Variants in RAB10 observed in about 807,000 individuals in gnomAD.
The protein encoded by RAB10 is RAB10, member RAS oncogene family.
A neutral mutation model predicts 25.7 loss-of-function variants in RAB10; 5 were observed. That is an observed-to-expected ratio of 0.19 (90% CI 0.10 to 0.41). The LOEUF is 0.41. Ranked by LOEUF, RAB10 falls within the 10% of genes least tolerant of loss-of-function variation. The pLI is 1.00. For missense variants in RAB10, 103 were observed against 245.8 expected (o/e 0.42, Z 3.89); for synonymous variants, 89 against 86.4 (o/e 1.03, Z -0.16).
intron 2 of RAB10, among the ~76,000 whole-genome samples, chr2:26,107,200 C>G (rs1049762893): frequency 1.4e-5 from 2 of 141,630 alleles, no homozygotes; most frequent in Admixed American, 7.2e-5. Context: ...GAGCCAAGAT[C>G]GTGCCACTAC....
At chr2:26,053,228 T>C (rs1666172541) in intron 1 of RAB10, among the ~76,000 whole-genome samples, 1 of 152,228 alleles carries the variant, frequency 6.6e-6, no homozygotes, top group South Asian at 2.1e-4. Context: ...ATTGTTTTTG[T>C]AAATATCCAG....
At chr2:26,088,777 A>G (rs962627988) in intron 1 of RAB10, among the ~76,000 whole-genome samples, 1 of 151,978 alleles carries the variant, frequency 6.6e-6, no homozygotes. Context: ...GGCGCCCGCC[A>G]CCATACCCAG....
chr2:26,085,677 G>A (rs1666961768), intron 1 of RAB10, among the ~76,000 whole-genome samples: 1 of 151,812 alleles, frequency 6.6e-6, no homozygotes, highest in African/African-American at 2.4e-5. Flanking sequence ...TGCAAGTCAT[G>A]TATCTGATCA....
At chr2:26,080,470 C>G (rs1192551510) in intron 1 of RAB10, among the ~76,000 whole-genome samples, 4 of 152,014 alleles carry the variant, frequency 2.6e-5, no homozygotes, top group Non-Finnish European at 5.9e-5. Flanking sequence ...GTGATACATT[C>G]CTGACTTCTC....
chr2:26,088,762 T>A (rs1015066874), intron 1 of RAB10, among the ~76,000 whole-genome samples: 1 of 151,980 alleles, frequency 6.6e-6, no homozygotes, highest in African/African-American at 2.4e-5. Flanking sequence ...GTGGCTGGGA[T>A]TACAGGCGCC....
intron 3 of RAB10, among the ~76,000 whole-genome samples, chr2:26,122,898 G>A (rs749743151): frequency 1.1e-4 from 16 of 152,060 alleles, no homozygotes; most frequent in Non-Finnish European, 1.0e-4. Flanking sequence ...TCTCGGGGTG[G>A]CAGGGAGGGG....
intron 1 of RAB10, among the ~76,000 whole-genome samples, chr2:26,089,437 A>G (rs998923064): frequency 4.0e-5 from 6 of 151,226 alleles, no homozygotes; most frequent in East Asian, 3.9e-4. Context: ...AAAAAAAAAA[A>G]AGAGAGAGTG....
chr2:26,108,318 A>G (rs1410001053), intron 2 of RAB10, among the ~76,000 whole-genome samples: 2 of 152,236 alleles, frequency 1.3e-5, no homozygotes, highest in African/African-American at 2.4e-5. Flanking sequence ...CTACCCAGCA[A>G]TGAAATGGGA....
chr2:26,099,120 G>A (rs1667287443), intron 2 of RAB10, among the ~76,000 whole-genome samples: 1 of 152,118 alleles, frequency 6.6e-6, no homozygotes, highest in South Asian at 2.1e-4. Context: ...TTATTAGTTT[G>A]TGTTAGGTTT....
chr2:26,132,874 A>T (rs1668037392), intron 5 of RAB10, among the ~76,000 whole-genome samples: 1 of 150,492 alleles, frequency 6.6e-6, no homozygotes. Context: ...TCATACCTGG[A>T]AGTTCCCAGA....
intron 1 of RAB10, among the ~76,000 whole-genome samples, chr2:26,060,032 A>G (rs1666362751): frequency 6.6e-6 from 1 of 152,214 alleles, no homozygotes; most frequent in Non-Finnish European, 1.5e-5. Flanking sequence ...ACACATAATA[A>G]TAGCTAGAAT....
intron 1 of RAB10, among the ~76,000 whole-genome samples, chr2:26,038,261 ATC>A (rs369514064): frequency 6.7e-6 from 1 of 150,126 alleles, no homozygotes; most frequent in South Asian, 2.1e-4. Context: ...TAGTGGCACA[ATC>A]TCTGTTCACT....
intron 3 of RAB10, among the ~76,000 whole-genome samples, chr2:26,117,620 AAAAAAAAAAAAAAAAC>A (rs1422894018): frequency 1.2e-3 from 151 of 127,344 alleles, no homozygotes; most frequent in Middle Eastern, 3.9e-3. Flanking sequence ...ACTCCGTCTC[AAAAAAAAAAAAAAAAC>A]AAAAAAAACA....
At chr2:26,099,544 T>TG (rs1667298973) in intron 2 of RAB10, among the ~76,000 whole-genome samples, 2 of 120,838 alleles carry the variant, frequency 1.7e-5, no homozygotes, top group Non-Finnish European at 3.7e-5. Flanking sequence ...TTTTTTTTTT[T>TG]TTTTTTTTTT....
intron 1 of RAB10, chr2:26,098,440 A>C (rs1667274923): frequency 4.3e-6 from 2 of 469,564 alleles, no homozygotes; most frequent in East Asian, 4.4e-5. Context: ...TGCCCAGCCC[A>C]AAACTTGGTC....
Position 26,111,452 on chromosome 2 carries a change from A to G in RAB10, c.327+1546A>G, listed in dbSNP as rs149795832. 2.5e-3 allele frequency among the ~76,000 whole-genome samples: 377 copies of G among 152,140 alleles called. 2 individuals are homozygous for G. The highest frequency in any genetic ancestry group is 8.7e-3 in the African/African-American group (362 of 41,500). The stretch of plus-strand genomic sequence containing the variant: ...AAACCCCGTCTCTACTAAAAATACA[A>G]ACTTAGCTGGGTGGGGTGGCACATG... On this transcript the variant is annotated intron_variant, in intron 3 of 5. Transcript: ENST00000264710.
Position 26,088,029 on chromosome 2 carries a change from C to T in RAB10, c.128-10633C>T, listed in dbSNP as rs1165063935. ...ATCCAATGCCTAAGCGGCATTCAAA[C>T]GATACAGGTGTATGATTATTTCCTT... is the stretch of plus-strand genomic sequence containing the variant. On this transcript the variant is annotated intron_variant, in intron 1 of 5. Transcript: ENST00000264710. Among the ~76,000 whole-genome samples the T allele has an allele frequency of 4.6e-5, 7 of 152,310 alleles. No homozygotes were observed. The East Asian group carries it at 1.2e-3, about 25-fold the overall frequency.
chr2:26,046,283 T>G (rs1262173541), intron 1 of RAB10, among the ~76,000 whole-genome samples: 1 of 150,994 alleles, frequency 6.6e-6, no homozygotes, highest in African/African-American at 2.4e-5. Context: ...CGAGATCACG[T>G]CATTGCACTC....
At chr2:26,046,281 C>T (rs749402195) in intron 1 of RAB10, among the ~76,000 whole-genome samples, 86 of 151,038 alleles carry the variant, frequency 5.7e-4, no homozygotes, top group Non-Finnish European at 1.0e-3. Context: ...GCCGAGATCA[C>T]GTCATTGCAC....
Sources: allele counts gnomAD v4.1 joint callset (sites outside exome capture counted in the v4.1 genomes callset), GRCh38; gene constraint gnomAD v4.1.1; transcripts MANE v1.5; gene names NCBI Gene and HGNC (gene_info 2026-07-23, HGNC 2026-07-21).